The following PPM1H variants were observed in gnomAD, a reference collection of about 807,000 sequenced individuals.
The protein encoded by PPM1H is protein phosphatase, Mg2+/Mn2+ dependent 1H.
PPM1H carries 27 observed loss-of-function variants against 54.9 expected under a neutral mutation model. That is an observed-to-expected ratio of 0.49 (90% confidence interval 0.36 to 0.68). The LOEUF (loss-of-function observed/expected upper bound fraction) is 0.68. Among genes scored for constraint, PPM1H ranks in the 30% least tolerant of loss-of-function variants. The probability of loss-of-function intolerance (pLI) is 0.00; values close to 1 mark genes in which losing one functional copy is unlikely to be tolerated. For missense variants in PPM1H, 596 were observed against 667.8 expected, an observed-to-expected ratio of 0.89 and a Z score of 1.19; for synonymous variants, 305 against 270.8, an observed-to-expected ratio of 1.13 and a Z score of -1.24.
chr12:62,681,443 T>G (rs774424759), intron 8 of PPM1H, among the ~76,000 whole-genome samples: 1 of 152,156 alleles, frequency 6.6e-6, no homozygotes, highest in Admixed American at 6.5e-5. Flanking sequence ...TCTCCCATGG[T>G]TACGGCTAAG....
intron 3 of PPM1H, among the ~76,000 whole-genome samples, chr12:62,790,801 G>T (rs1437201236): frequency 1.3e-5 from 2 of 152,184 alleles, no homozygotes; most frequent in African/African-American, 4.8e-5. Flanking sequence ...AGCTGCAGAA[G>T]CATCAAGCAT....
At chr12:62,733,613 TAA>T (rs1395322809) in intron 5 of PPM1H, among the ~76,000 whole-genome samples, 3 of 152,208 alleles carry the variant, frequency 2.0e-5, no homozygotes, top group Admixed American at 6.5e-5. Flanking sequence ...GTATTTACCA[TAA>T]AGATTTCACC....
intron 1 of PPM1H, among the ~76,000 whole-genome samples, chr12:62,920,282 A>G (rs1027339564): frequency 6.6e-6 from 1 of 152,168 alleles, no homozygotes; most frequent in African/African-American, 2.4e-5. Context: ...ACAAAATATT[A>G]TAGCTATTTC....
In PPM1H at chr12:62,653,164, T is replaced by C. The variant is rs192140602; in HGVS notation, c.1398-4528A>G. Among the ~76,000 whole-genome samples the C allele has an allele frequency of 2.5e-3, 377 of 152,334 alleles. 2 individuals are homozygous for C. The highest frequency in any genetic ancestry group is 5.1e-3 in the Admixed American group (78 of 15,306). ...GCTTTTCAAGTTTTTGTGTTTTTGT[T>C]GCTGATATGAAGTACCACTAAGACA... On this transcript the variant is annotated intron_variant, in intron 9 of 9. Coordinates refer to ENST00000228705, the MANE Select transcript of PPM1H (RefSeq NM_020700.2).
chr12:62,770,010 C>T (rs1421717442), intron 4 of PPM1H, among the ~76,000 whole-genome samples: 4 of 151,776 alleles, frequency 2.6e-5, no homozygotes, highest in Non-Finnish European at 5.9e-5. Context: ...AGATATTTAA[C>T]CTTTTATCTG....
intron 6 of PPM1H, among the ~76,000 whole-genome samples, chr12:62,696,446 C>T (rs994718357): frequency 3.9e-5 from 6 of 152,182 alleles, no homozygotes; most frequent in African/African-American, 9.7e-5. Context: ...CAGCAACTAA[C>T]GACAAGGGGG....
chr12:62,883,268 G>A (rs539427653), intron 1 of PPM1H, among the ~76,000 whole-genome samples: 15 of 152,198 alleles, frequency 9.9e-5, no homozygotes, highest in African/African-American at 3.4e-4. Flanking sequence ...ACAGGCCACC[G>A]TAACCAGCCA....
intron 4 of PPM1H, among the ~76,000 whole-genome samples, chr12:62,774,395 G>A (rs933715731): frequency 2.6e-5 from 4 of 152,152 alleles, no homozygotes; most frequent in Admixed American, 2.6e-4. Flanking sequence ...AGGCTGGAGT[G>A]CAGTGGCGTG....
At chr12:62,807,797 AAGGTC>A (rs2076813781) in intron 2 of PPM1H, among the ~76,000 whole-genome samples, 1 of 152,202 alleles carries the variant, frequency 6.6e-6, no homozygotes, top group South Asian at 2.1e-4. Flanking sequence ...AAGAGACTCT[AAGGTC>A]AGAGAAACAC....
At chr12:62,728,044 T>G (rs2076299477) in intron 5 of PPM1H, among the ~76,000 whole-genome samples, 1 of 152,226 alleles carries the variant, frequency 6.6e-6, no homozygotes, top group Non-Finnish European at 1.5e-5. Context: ...TAATCCTAAA[T>G]TTTGAGGTTT....
chr12:62,828,552 A>G (rs774284360), intron 2 of PPM1H, among the ~76,000 whole-genome samples: 3 of 152,090 alleles, frequency 2.0e-5, no homozygotes, highest in Non-Finnish European at 4.4e-5. Flanking sequence ...TTTGTTTTGT[A>G]TCTCCATAGT....
At chr12:62,915,404 G>A (rs921620640) in intron 1 of PPM1H, among the ~76,000 whole-genome samples, 1 of 152,250 alleles carries the variant, frequency 6.6e-6, no homozygotes, top group East Asian at 1.9e-4. Context: ...ATCAGGAATG[G>A]TTGGAGGGCT....
rs118091329 is a variant in PPM1H at position 62,808,196 on chromosome 12, A to G, written c.412-6036T>C. 9.6e-3 allele frequency among the ~76,000 whole-genome samples: 1,461 copies of G among 152,262 alleles called. 15 individuals carry two copies. Among genetic ancestry groups the G allele is most frequent in the Non-Finnish European group, 0.015 (1,024 of 68,014 alleles). Reference sequence around the variant, plus strand: ...TACTCTAAATGCTTTACAAATATGAACTCGTTTAATCCTTACTCCACTCCT... The same window carrying G: ...TACTCTAAATGCTTTACAAATATGAGCTCGTTTAATCCTTACTCCACTCCT... On this transcript the variant is annotated intron_variant, in intron 2 of 9. Coordinates refer to ENST00000228705, the MANE Select transcript of PPM1H (RefSeq NM_020700.2).
intron 6 of PPM1H, among the ~76,000 whole-genome samples, chr12:62,701,680 G>T (rs936582319): frequency 5.4e-4 from 78 of 143,630 alleles, no homozygotes; most frequent in Admixed American, 3.8e-3. Flanking sequence ...TTGTTTGTTT[G>T]TTTTTTTTTT....
chr12:62,931,734 T>C (rs1462619073), intron 1 of PPM1H, among the ~76,000 whole-genome samples: 2 of 152,132 alleles, frequency 1.3e-5, no homozygotes, highest in Non-Finnish European at 2.9e-5. Flanking sequence ...TCAACTATAA[T>C]ATGGAAATGA....
At chr12:62,802,746 A>T (rs1483554955) in intron 2 of PPM1H, among the ~76,000 whole-genome samples, 1 of 150,958 alleles carries the variant, frequency 6.6e-6, no homozygotes, top group Non-Finnish European at 1.5e-5. Flanking sequence ...CACCAGGCTA[A>T]TTTTTTTTTG....
chr12:62,727,096 G>A (rs945351091), intron 5 of PPM1H, among the ~76,000 whole-genome samples: 10 of 151,966 alleles, frequency 6.6e-5, no homozygotes, highest in Non-Finnish European at 1.5e-5. Context: ...TGTATTTTTA[G>A]TAGAGACAGG....
chr12:62,924,686 G>A (rs949396444), intron 1 of PPM1H, among the ~76,000 whole-genome samples: 4 of 152,148 alleles, frequency 2.6e-5, no homozygotes, highest in East Asian at 1.9e-4. Context: ...AGGGAAACCC[G>A]AGATGACATT....
chr12:62,854,887 T>C (rs893069550), intron 1 of PPM1H, among the ~76,000 whole-genome samples: 8 of 152,020 alleles, frequency 5.3e-5, no homozygotes, highest in Non-Finnish European at 1.0e-4. Context: ...AGAGGGAGAA[T>C]AGACCAAAAT....
Sources: gnomAD v4.1 joint callset for allele counts (sites outside exome capture counted in the v4.1 genomes callset) on GRCh38, gnomAD v4.1.1 for gene constraint, MANE v1.5 for transcripts, NCBI Gene and HGNC (gene_info 2026-07-23, HGNC 2026-07-21) for gene names.